Variants in PCDH7 observed in about 807,000 individuals in gnomAD.
PCDH7 encodes the protein protocadherin-7.
In PCDH7, 17 loss-of-function variants were observed where a neutral mutation model predicts 58.9. That is an observed-to-expected ratio of 0.29 (90% confidence interval 0.20 to 0.43). The LOEUF is 0.43. PCDH7 is among the 20% of genes least tolerant of loss of function. The pLI, the probability that PCDH7 is intolerant of heterozygous loss-of-function variation, is 1.00. For synonymous variants in PCDH7, 664 were observed against 616.4 expected, an observed-to-expected ratio of 1.08 and a Z score of -1.14; for missense variants, 1,274 against 1,441.0, an observed-to-expected ratio of 0.88 and a Z score of 1.88.
In PCDH7 at chr4:30,806,540, G is replaced by A. The variant is rs537514422; in HGVS notation, c.70+81944G>A. On this transcript the variant is annotated intron_variant, in intron 1 of 3. Coordinates refer to the PCDH7 transcript ENST00000509759. ...AGGCTGGTCTCGAACTCCTGACCTC[G>A]TGATCCACCTGCCTCGGCTTCCCAA... 1.9e-3 allele frequency among the ~76,000 whole-genome samples: 296 copies of A among 151,800 alleles called. No homozygotes were observed. The South Asian group carries it at 0.021, about 11-fold the overall frequency.
At chr4:30,945,219 T>C (rs1172565286) in intron 2 of PCDH7, among the ~76,000 whole-genome samples, 4 of 152,106 alleles carry the variant, frequency 2.6e-5, no homozygotes, top group Non-Finnish European at 5.9e-5. Context: ...AAACATATGC[T>C]ACTATTAATA....
intron 3 of PCDH7, among the ~76,000 whole-genome samples, chr4:31,055,527 T>C (rs553640359): frequency 1.3e-5 from 2 of 152,258 alleles, no homozygotes; most frequent in African/African-American, 4.8e-5. Flanking sequence ...TCTAGCAACA[T>C]ACTAGGTCCT....
chr4:30,760,587 C>T (rs557123295), intron 1 of PCDH7, among the ~76,000 whole-genome samples: 5 of 152,050 alleles, frequency 3.3e-5, no homozygotes, highest in South Asian at 2.1e-4. Context: ...AGTGAACTCC[C>T]ATTCACAATT....
At chr4:31,106,952 G>A (rs998665206) in intron 3 of PCDH7, among the ~76,000 whole-genome samples, 5 of 152,026 alleles carry the variant, frequency 3.3e-5, no homozygotes, top group South Asian at 2.1e-4. Context: ...TAAGCATTAC[G>A]CTCTTAACTT....
chr4:31,081,729 T>G (rs1759523787), intron 3 of PCDH7, among the ~76,000 whole-genome samples: 2 of 151,976 alleles, frequency 1.3e-5, no homozygotes, highest in South Asian at 2.1e-4. Flanking sequence ...ATAAGAAAAC[T>G]CTTAGATATA....
At chr4:31,144,820 T>C (rs906170863), downstream of PCDH7, 1 of 152,116 alleles carries the variant, frequency 6.6e-6, no homozygotes, top group Non-Finnish European at 1.5e-5. Context: ...CAAAAAACAT[T>C]GGACTAAAAT....
intron 1 of PCDH7, among the ~76,000 whole-genome samples, chr4:30,783,993 C>T (rs2109291966): frequency 6.6e-6 from 1 of 151,986 alleles, no homozygotes; most frequent in African/African-American, 2.4e-5. Context: ...AGTGATAGAA[C>T]AAATCCAGGA....
intron 3 of PCDH7, among the ~76,000 whole-genome samples, chr4:31,102,658 A>C (rs1715047124): frequency 6.6e-6 from 1 of 151,390 alleles, no homozygotes; most frequent in Non-Finnish European, 1.5e-5. Flanking sequence ...GGGTGACAAG[A>C]GCAAAACTCC....
At chr4:30,989,303 C>T (rs114971582) in intron 3 of PCDH7, among the ~76,000 whole-genome samples, 2,126 of 152,160 alleles carry the variant, frequency 0.014, 47 homozygotes, top group African/African-American at 0.049. Context: ...AATTTTTTCT[C>T]TTTCTCTTTT....
chr4:30,817,877 A>G (rs931818439), intron 1 of PCDH7, among the ~76,000 whole-genome samples: 2 of 152,070 alleles, frequency 1.3e-5, no homozygotes, highest in Non-Finnish European at 2.9e-5. Flanking sequence ...ACACAATTCA[A>G]ATTACTCCTC....
intron 3 of PCDH7, among the ~76,000 whole-genome samples, chr4:31,101,763 A>G (rs1251750857): frequency 5.3e-5 from 8 of 152,194 alleles, no homozygotes; most frequent in Non-Finnish European, 1.0e-4. Context: ...AAATGCATTG[A>G]GTATAGTTTT....
chr4:30,795,402 G>T (rs759506993), intron 1 of PCDH7, among the ~76,000 whole-genome samples: 16 of 152,150 alleles, frequency 1.1e-4, no homozygotes, highest in Non-Finnish European at 1.8e-4. Context: ...GCACTTCCTG[G>T]CATAAAGTAA....
At chr4:30,859,448 C>CT (rs796167217) in intron 1 of PCDH7, among the ~76,000 whole-genome samples, 32 of 139,134 alleles carry the variant, frequency 2.3e-4, no homozygotes, top group East Asian at 8.4e-4. Context: ...TTTTTTTTTT[C>CT]TTTTTTTTTG....
intron 3 of PCDH7, among the ~76,000 whole-genome samples, chr4:31,029,378 GC>G (rs1256009015): frequency 1.3e-5 from 2 of 152,174 alleles, no homozygotes; most frequent in Non-Finnish European, 1.5e-5. Context: ...TGTCCTAGGT[GC>G]CCAGACATCT....
intron 3 of PCDH7, among the ~76,000 whole-genome samples, chr4:30,966,617 CA>C (rs1434398556): frequency 2.0e-5 from 3 of 151,874 alleles, no homozygotes; most frequent in Admixed American, 2.0e-4. Flanking sequence ...ATTGAGTAAG[CA>C]GGGATGTGTT....
chr4:30,907,001 T>A (rs1265033504), intron 1 of PCDH7, among the ~76,000 whole-genome samples: 1 of 152,074 alleles, frequency 6.6e-6, no homozygotes, highest in African/African-American at 2.4e-5. Flanking sequence ...CTAGCCTGGG[T>A]GACAGAGTGA....
At chr4:30,791,394 A>G (rs1560374157) in intron 1 of PCDH7, among the ~76,000 whole-genome samples, 1 of 152,174 alleles carries the variant, frequency 6.6e-6, no homozygotes, top group Non-Finnish European at 1.5e-5. Flanking sequence ...TAAATTATTT[A>G]TGACTGTTGA....
intron 3 of PCDH7, among the ~76,000 whole-genome samples, chr4:31,091,013 G>A (rs1303405575): frequency 6.6e-6 from 1 of 151,998 alleles, no homozygotes; most frequent in East Asian, 1.9e-4. Context: ...AATATAATGA[G>A]TATTTTGAGT....
At chr4:30,854,129 A>T (rs1424022741) in intron 1 of PCDH7, among the ~76,000 whole-genome samples, 1 of 151,634 alleles carries the variant, frequency 6.6e-6, no homozygotes, top group Admixed American at 6.6e-5. Flanking sequence ...ACTTGATTAG[A>T]ACTTCCACTA....
Sources: gnomAD v4.1 joint callset for allele counts (sites outside exome capture counted in the v4.1 genomes callset) on GRCh38, gnomAD v4.1.1 for gene constraint, MANE v1.5 for transcripts, NCBI Gene and HGNC (gene_info 2026-07-23, HGNC 2026-07-21) for gene names.